Variants in PHF24 observed in about 807,000 individuals in gnomAD.
PHF24 encodes the protein Galpha inhibitory interacting protein.
In PHF24, 25 loss-of-function variants were observed where a neutral mutation model predicts 42.6. The observed-to-expected ratio is 0.59, with a 90% CI of 0.43 to 0.82. The LOEUF is 0.82. Among genes scored for constraint, PHF24 ranks in the 40% least tolerant of loss-of-function variants. The pLI, the probability that PHF24 is intolerant of heterozygous loss-of-function variation, is 0.00. For synonymous variants in PHF24, 185 were observed against 204.8 expected (o/e 0.90, Z 0.83); for missense variants, 470 against 538.1 (o/e 0.87, Z 1.25).
chr9:34,673,769 C>T, the PHF24 span, among the ~76,000 whole-genome samples: 1 of 152,020 alleles, frequency 6.6e-6, no homozygotes, highest in East Asian at 1.9e-4. Context: ...CTACAGGCAC[C>T]CGCTGCCAAA....
chr9:34,922,984 G>C, the PHF24 span: 8 of 1,022,306 alleles, frequency 7.8e-6, no homozygotes, highest in African/African-American at 9.9e-5. Context: ...GTCTACCTGG[G>C]GGGTGCTGCT....
the PHF24 span, chr9:34,833,917 C>G: frequency 6.5e-7 from 1 of 1,537,592 alleles, no homozygotes; most frequent in Non-Finnish European, 8.8e-7. Flanking sequence ...CCCTGGGGAG[C>G]GCCACATAAT....
the PHF24 span, among the ~76,000 whole-genome samples, chr9:34,690,754 GCCTTGGCTTAGTGTCTGCCATTCTCCCTA>G: frequency 6.6e-6 from 1 of 151,992 alleles, no homozygotes; most frequent in Admixed American, 6.6e-5. Flanking sequence ...TTGAATATCA[GCCTTGGCTTAGTGTCTGCCATTCTCCCTA>G]CCTTAAGCAA....
chr9:34,898,490 A>C, the PHF24 span, among the ~76,000 whole-genome samples: 1 of 152,236 alleles, frequency 6.6e-6, no homozygotes, highest in Non-Finnish European at 1.5e-5. Context: ...ATTTAAGAAG[A>C]GTCCTACCTG....
chr9:34,697,783 A>G, the PHF24 span, among the ~76,000 whole-genome samples: 1 of 152,236 alleles, frequency 6.6e-6, no homozygotes, highest in African/African-American at 2.4e-5. Flanking sequence ...AAGGCACAAG[A>G]ACACATTAGT....
chr9:34,823,069 G>A, the PHF24 span, among the ~76,000 whole-genome samples: 629 of 151,572 alleles, frequency 4.1e-3, 7 homozygotes, highest in South Asian at 0.024. Context: ...GGTGGCGGGC[G>A]CCTGTAGTCC....
the PHF24 span, among the ~76,000 whole-genome samples, chr9:34,734,984 C>T: frequency 1.2e-3 from 188 of 152,208 alleles, 1 homozygote; most frequent in Non-Finnish European, 2.4e-3. Flanking sequence ...ATAGCAAGAA[C>T]AAAACCCAAA....
chr9:34,793,081 T>A, the PHF24 span, among the ~76,000 whole-genome samples: 46,176 of 152,060 alleles, frequency 0.3, 7,547 homozygotes, highest in East Asian at 0.56. Context: ...AAAAATATTA[T>A]AATTTGAAAA....
the PHF24 span, chr9:34,833,607 C>T: frequency 3.2e-6 from 5 of 1,545,790 alleles, no homozygotes; most frequent in African/African-American, 1.4e-5. Flanking sequence ...ATCTCTAGGA[C>T]CTTTTTTCTC....
chr9:34,866,168 C>A, the PHF24 span, among the ~76,000 whole-genome samples: 2 of 152,120 alleles, frequency 1.3e-5, no homozygotes, highest in Non-Finnish European at 2.9e-5. Flanking sequence ...TCCTGCTAAA[C>A]AAATACTTTA....
chr9:34,752,203 C>T, the PHF24 span, among the ~76,000 whole-genome samples: 1 of 151,842 alleles, frequency 6.6e-6, no homozygotes, highest in East Asian at 1.9e-4. Flanking sequence ...GAGTTCAGAG[C>T]AGAAATAAGT....
At chr9:34,866,749 A>T in the PHF24 span, among the ~76,000 whole-genome samples, 2 of 152,258 alleles carry the variant, frequency 1.3e-5, no homozygotes, top group South Asian at 4.2e-4. Context: ...GAAATCCAGT[A>T]CCTCACTGCA....
chr9:34,825,225 A>G, the PHF24 span, among the ~76,000 whole-genome samples: 3 of 152,104 alleles, frequency 2.0e-5, no homozygotes, highest in East Asian at 1.9e-4. Flanking sequence ...TGGAGCCAGC[A>G]GTAAATTGGG....
the PHF24 span, among the ~76,000 whole-genome samples, chr9:34,693,534 T>G: frequency 2.0e-5 from 3 of 152,290 alleles, no homozygotes; most frequent in African/African-American, 7.2e-5. Flanking sequence ...TCTGAGACTC[T>G]GAGGATGGGG....
the PHF24 span, among the ~76,000 whole-genome samples, chr9:34,714,463 A>G: frequency 2.0e-5 from 3 of 152,248 alleles, no homozygotes; most frequent in African/African-American, 7.2e-5. Context: ...GCTGCACTTC[A>G]GAATCACCTG....
At chr9:34,918,182 C>A in the PHF24 span, 1 of 1,462,304 alleles carries the variant, frequency 6.8e-7, no homozygotes, top group Non-Finnish European at 9.6e-7. Context: ...AGAAGGGTTA[C>A]TTTGAAGACC....
chr9:34,864,545 G>T, the PHF24 span, among the ~76,000 whole-genome samples: 1 of 152,138 alleles, frequency 6.6e-6, no homozygotes, highest in Non-Finnish European at 1.5e-5. Context: ...AGAATAGCTG[G>T]TGAAAATATC....
the PHF24 span, among the ~76,000 whole-genome samples, chr9:34,760,498 T>A: frequency 1.3e-5 from 2 of 152,192 alleles, no homozygotes; most frequent in Non-Finnish European, 2.9e-5. Flanking sequence ...AGCACCTTTG[T>A]TAATGCCCAA....
the PHF24 span, among the ~76,000 whole-genome samples, chr9:34,770,930 A>G: frequency 1.3e-5 from 2 of 152,090 alleles, no homozygotes; most frequent in Non-Finnish European, 2.9e-5. Context: ...CCTGACCAAC[A>G]TGGTGAAACC....
Sources: allele counts gnomAD v4.1 joint callset (sites outside exome capture counted in the v4.1 genomes callset), GRCh38; gene constraint gnomAD v4.1.1; transcripts MANE v1.5; gene names NCBI Gene and HGNC (gene_info 2026-07-23, HGNC 2026-07-21).